The following JAKMIP3 variants were observed in gnomAD, a reference collection of about 807,000 sequenced individuals.
The protein encoded by JAKMIP3 is janus kinase and microtubule-interacting protein 3.
Under a neutral mutation model 118.5 loss-of-function variants are expected in JAKMIP3, and 58 were observed. That is an observed-to-expected ratio of 0.49 (90% CI 0.40 to 0.61). The LOEUF (loss-of-function observed/expected upper bound fraction) is 0.61. Ranked by LOEUF, JAKMIP3 falls within the 20% of genes least tolerant of loss-of-function variation. JAKMIP3 has a pLI of 0.00. For missense variants in JAKMIP3, 950 were observed against 1,109.0 expected, an observed-to-expected ratio of 0.86 and a Z score of 2.04; for synonymous variants, 486 against 451.2, an observed-to-expected ratio of 1.08 and a Z score of -0.98.
intron 1 of JAKMIP3, among the ~76,000 whole-genome samples, chr10:132,078,778 G>A (rs1228652981): frequency 6.6e-6 from 1 of 151,656 alleles, no homozygotes; most frequent in Non-Finnish European, 1.5e-5. Context: ...TTTCCCCCCA[G>A]GCCCGTTTGA....
intron 23 of JAKMIP3, among the ~76,000 whole-genome samples, chr10:132,174,870 A>G (rs1373595558): frequency 6.6e-6 from 1 of 152,110 alleles, no homozygotes; most frequent in African/African-American, 2.4e-5. Flanking sequence ...GATGTTGAGC[A>G]TCTTTTTGTG....
Position 132,135,171 on chromosome 10 carries a change from G to A in JAKMIP3, c.969+11G>A, listed in dbSNP as rs754614325. The A allele has an allele frequency of 1.1e-5, 18 of 1,592,714 alleles. No homozygotes were observed. Among genetic ancestry groups the A allele is most frequent in the Non-Finnish European group, 1.5e-5 (18 of 1,164,564 alleles). On this transcript the variant is annotated intron_variant, in intron 5 of 23. Coordinates refer to ENST00000684848, the MANE Select transcript of JAKMIP3 (RefSeq NM_001323087.2). Reference sequence around the variant, plus strand: ...GAGAGGAATGAGCTGGTGAGCGCGGGCGGGGGCTTCTGGCTCCTGGGGGTT... The same window carrying A: ...GAGAGGAATGAGCTGGTGAGCGCGGACGGGGGCTTCTGGCTCCTGGGGGTT...
intron 1 of JAKMIP3, among the ~76,000 whole-genome samples, chr10:132,082,173 G>C (rs1010980745): frequency 1.3e-5 from 2 of 149,462 alleles, no homozygotes; most frequent in Non-Finnish European, 3.0e-5. Context: ...TTTGTTTGGG[G>C]GGGGGGGCTG....
intron 3 of JAKMIP3, among the ~76,000 whole-genome samples, chr10:132,124,389 C>CAGCTGT (rs1324489357): frequency 1.3e-4 from 20 of 151,110 alleles, no homozygotes; most frequent in Non-Finnish European, 1.9e-4. Flanking sequence ...CTGAGTCGGC[C>CAGCTGT]GGCCACACCG....
chr10:132,137,211 G>T, intron 7 of JAKMIP3, 43 bp from the exon 8 acceptor site: 1 of 1,613,908 alleles, frequency 6.2e-7, no homozygotes, highest in Admixed American at 1.7e-5. Context: ...TTGGCTAACA[G>T]GGACCCTGAG....
intron 13 of JAKMIP3, among the ~76,000 whole-genome samples, chr10:132,145,839 C>A (rs1343946419): frequency 6.6e-6 from 1 of 152,204 alleles, no homozygotes; most frequent in African/African-American, 2.4e-5. Flanking sequence ...GCAGCAGCAT[C>A]TCCATTCGTG....
intron 1 of JAKMIP3, among the ~76,000 whole-genome samples, chr10:132,097,694 C>A (rs1439791827): frequency 6.6e-6 from 1 of 151,548 alleles, no homozygotes; most frequent in Non-Finnish European, 1.5e-5. Context: ...GGATGTGCGG[C>A]ATCTGTATAT....
At chr10:132,071,826 C>T (rs2039920822) in intron 1 of JAKMIP3, among the ~76,000 whole-genome samples, 1 of 145,974 alleles carries the variant, frequency 6.9e-6, no homozygotes. Context: ...TCTTTTCTTT[C>T]CTTTCTTCCC....
chr10:132,091,677 G>C (rs2043110692), intron 1 of JAKMIP3, among the ~76,000 whole-genome samples: 1 of 152,164 alleles, frequency 6.6e-6, no homozygotes, highest in Non-Finnish European at 1.5e-5. Context: ...CTGCACGTGA[G>C]ATGGGTTTCC....
At chr10:132,109,611 T>C (rs1277485274) in intron 2 of JAKMIP3, among the ~76,000 whole-genome samples, 6 of 152,210 alleles carry the variant, frequency 3.9e-5, no homozygotes, top group Non-Finnish European at 7.3e-5. Flanking sequence ...CTGAGGACCC[T>C]GGAGCCTCCG....
chr10:132,146,783 C>T (rs910568626), intron 13 of JAKMIP3, among the ~76,000 whole-genome samples: 6 of 152,166 alleles, frequency 3.9e-5, no homozygotes, highest in African/African-American at 1.4e-4. Flanking sequence ...GAATGGCGAA[C>T]GACACCCCCA....
chr10:132,063,707 C>T (rs904137121), upstream of JAKMIP3, among the ~76,000 whole-genome samples: 2 of 152,222 alleles, frequency 1.3e-5, no homozygotes, highest in African/African-American at 4.8e-5. Flanking sequence ...ATCAAAAGCA[C>T]ATACACGCAT....
At chr10:132,137,757 A>G (rs996326973) in intron 8 of JAKMIP3, among the ~76,000 whole-genome samples, 6 of 152,170 alleles carry the variant, frequency 3.9e-5, no homozygotes, top group African/African-American at 7.2e-5. Context: ...TGTGGACGCC[A>G]CCCCTGCAGG....
chr10:132,097,298 C>T (rs1017811794), intron 1 of JAKMIP3, among the ~76,000 whole-genome samples: 9 of 152,174 alleles, frequency 5.9e-5, no homozygotes, highest in African/African-American at 1.9e-4. Context: ...GCAGCCACAC[C>T]GTGGGTCACT....
chr10:132,180,255 A>AGGACCCTGGGGTGCCAGAGCTT (rs549927726), intron 23 of JAKMIP3, among the ~76,000 whole-genome samples: 16 of 152,216 alleles, frequency 1.1e-4, no homozygotes, highest in African/African-American at 2.9e-4. Flanking sequence ...CTCTTGAGTG[A>AGGACCCTGGGGTGCCAGAGCTT]GGACCCTGGG....
intron 23 of JAKMIP3, among the ~76,000 whole-genome samples, chr10:132,173,376 A>G (rs2059816324): frequency 6.6e-6 from 1 of 150,722 alleles, no homozygotes; most frequent in African/African-American, 2.4e-5. Flanking sequence ...GCTGTCTGCA[A>G]TGTACCTGCT....
Position 132,180,530 on chromosome 10 carries a change from T to TGTGTGTGTGTGCGTGTGTGTGC in JAKMIP3, c.*1104-1816_*1104-1815insCGTGTGTGTGCGTGTGTGTGTG, listed in dbSNP as rs1554962671. Reference sequence around the variant, plus strand: ...GCAAACCTGGAAGCAGAACTGTGTGTGTGTGTGTGTGTGTGCGTGCGTGCA... The same window carrying TGTGTGTGTGTGCGTGTGTGTGC: ...GCAAACCTGGAAGCAGAACTGTGTGTGTGTGTGTGTGCGTGTGTGTGCGTGTGTGTGTGTGTGCGTGCGTGCA... On this transcript the variant is annotated intron_variant, in intron 23 of 23. Coordinates refer to ENST00000684848, the MANE Select transcript of JAKMIP3 (RefSeq NM_001323087.2). Among the ~76,000 whole-genome samples the TGTGTGTGTGTGCGTGTGTGTGC allele has an allele frequency of 9.4e-4, 30 of 31,948 alleles. 12 individuals carry two copies. The highest frequency in any genetic ancestry group is 0.013 in the Middle Eastern group (1 of 76). 21.0% of individuals were successfully genotyped at this position (31,948 alleles called of 152,430 possible).
Position 132,180,546 on chromosome 10 carries a change from C to CGTGTGTGTGTGTGT in JAKMIP3, c.*1104-1808_*1104-1807insTGTGTGTGTGTGTG, listed in dbSNP as rs1272765694. Among the ~76,000 whole-genome samples, 2 of 15,948 alleles carry CGTGTGTGTGTGTGT rather than the reference C, an allele frequency of 1.3e-4. 1 individual carries two copies. The highest frequency in any genetic ancestry group is 1.6e-3 in the Admixed American group (2 of 1,256). 10.5% of individuals were successfully genotyped at this position (15,948 alleles called of 152,430 possible). On this transcript the variant is annotated intron_variant, in intron 23 of 23. Coordinates refer to ENST00000684848, the MANE Select transcript of JAKMIP3 (RefSeq NM_001323087.2). ...AACTGTGTGTGTGTGTGTGTGTGTG[C>CGTGTGTGTGTGTGT]GTGCGTGCATGCGTGTGTGTGCGTG...
At chr10:132,059,918 C>T (rs559918982), upstream of JAKMIP3, among the ~76,000 whole-genome samples, 1 of 152,270 alleles carries the variant, frequency 6.6e-6, no homozygotes, top group Admixed American at 6.5e-5. Flanking sequence ...CTGGAAAGGA[C>T]AGGGGAGAGT....
Sources: allele counts gnomAD v4.1 joint callset (sites outside exome capture counted in the v4.1 genomes callset), GRCh38; gene constraint gnomAD v4.1.1; transcripts MANE v1.5; gene names NCBI Gene and HGNC (gene_info 2026-07-23, HGNC 2026-07-21).